Variants in PRKN observed in about 807,000 individuals in gnomAD.
PRKN encodes E3 ubiquitin-protein ligase parkin.
In PRKN, 56 loss-of-function variants were observed where a neutral mutation model predicts 59.5. The observed-to-expected ratio is 0.94, with a 90% CI of 0.76 to 1.18. The LOEUF (loss-of-function observed/expected upper bound fraction) is 1.18. Ranked by LOEUF, PRKN falls within the 50% of genes most tolerant of loss-of-function variation. PRKN has a pLI of 0.00. For missense variants in PRKN, 657 were observed against 596.4 expected, an observed-to-expected ratio of 1.10 and a Z score of -1.06; for synonymous variants, 250 against 222.1, an observed-to-expected ratio of 1.13 and a Z score of -1.12.
chr6:162,172,751 A>T (rs1390329712), intron 4 of PRKN, among the ~76,000 whole-genome samples: 1 of 152,160 alleles, frequency 6.6e-6, no homozygotes, highest in Non-Finnish European at 1.5e-5. Flanking sequence ...ATTCTTGGAA[A>T]TGAATCTGTC....
chr6:162,681,450 C>A (rs563734125), intron 1 of PRKN, among the ~76,000 whole-genome samples: 1 of 152,260 alleles, frequency 6.6e-6, no homozygotes, highest in African/African-American at 2.4e-5. Context: ...AAAACCCTAA[C>A]TTTCCACACC....
At chr6:161,796,533 G>T (rs1387503077) in intron 6 of PRKN, among the ~76,000 whole-genome samples, 2 of 152,176 alleles carry the variant, frequency 1.3e-5, no homozygotes, top group East Asian at 3.9e-4. Context: ...AAAAAGAAAA[G>T]AAAAGAAACT....
At chr6:162,694,532 A>C (rs1777902382) in intron 1 of PRKN, among the ~76,000 whole-genome samples, 1 of 152,180 alleles carries the variant, frequency 6.6e-6, no homozygotes, top group African/African-American at 2.4e-5. Context: ...TCTTAAGGTT[A>C]TTCAAAATTA....
chr6:161,959,757 T>C (rs1397691223), intron 6 of PRKN, among the ~76,000 whole-genome samples: 1 of 152,196 alleles, frequency 6.6e-6, no homozygotes, highest in Non-Finnish European at 1.5e-5. Context: ...TTATTAATAA[T>C]CATAAGTGAT....
intron 2 of PRKN, among the ~76,000 whole-genome samples, chr6:162,394,156 A>G (rs753319866): frequency 1.1e-4 from 16 of 152,202 alleles, no homozygotes; most frequent in Non-Finnish European, 1.9e-4. Flanking sequence ...AAGCATAATG[A>G]GAATATACTT....
At chr6:162,096,144 A>C (rs1318981346) in intron 4 of PRKN, among the ~76,000 whole-genome samples, 5 of 151,442 alleles carry the variant, frequency 3.3e-5, no homozygotes, top group Non-Finnish European at 7.4e-5. Flanking sequence ...GTAGATTGTA[A>C]GATTGGTGCT....
At chr6:161,817,131 G>T (rs1304825854) in intron 6 of PRKN, among the ~76,000 whole-genome samples, 1 of 152,148 alleles carries the variant, frequency 6.6e-6, no homozygotes, top group African/African-American at 2.4e-5. Flanking sequence ...CACTGCTAGA[G>T]AATTAATCTG....
intron 4 of PRKN, among the ~76,000 whole-genome samples, chr6:162,118,669 A>C (rs1780779117): frequency 6.6e-6 from 1 of 152,220 alleles, no homozygotes. Flanking sequence ...TTTACAGCCA[A>C]ATAACCAACC....
At chr6:161,640,749 A>G (rs963287606) in intron 7 of PRKN, among the ~76,000 whole-genome samples, 6 of 152,182 alleles carry the variant, frequency 3.9e-5, no homozygotes, top group Admixed American at 1.3e-4. Flanking sequence ...CAACAGCCAC[A>G]TCCTCCCCAG....
intron 1 of PRKN, among the ~76,000 whole-genome samples, chr6:162,700,173 C>G (rs1778103156): frequency 6.6e-6 from 1 of 152,300 alleles, no homozygotes; most frequent in African/African-American, 2.4e-5. Flanking sequence ...TAATCATTCT[C>G]CTGCAATTGC....
At chr6:162,715,718 AACTGC>A (rs1195660238) in intron 1 of PRKN, among the ~76,000 whole-genome samples, 2 of 152,164 alleles carry the variant, frequency 1.3e-5, no homozygotes, top group Non-Finnish European at 2.9e-5. Flanking sequence ...TGGCATGGAA[AACTGC>A]ACTGAGCTGG....
At chr6:161,661,920 G>C (rs1056584834) in intron 7 of PRKN, among the ~76,000 whole-genome samples, 3 of 152,112 alleles carry the variant, frequency 2.0e-5, no homozygotes, top group African/African-American at 7.2e-5. Context: ...CTACTCGGGA[G>C]GCTGAGGCAG....
At chr6:162,009,227 T>C (rs1185620270) in intron 5 of PRKN, among the ~76,000 whole-genome samples, 2 of 151,818 alleles carry the variant, frequency 1.3e-5, no homozygotes, top group African/African-American at 4.9e-5. Context: ...CACTCTAGCC[T>C]GGGTGACAGA....
intron 6 of PRKN, among the ~76,000 whole-genome samples, chr6:161,871,158 G>A (rs201205284): frequency 2.6e-5 from 4 of 152,100 alleles, no homozygotes; most frequent in East Asian, 3.9e-4. Flanking sequence ...AGAGTTTTCA[G>A]TAAGCTATGA....
chr6:161,541,002 GT>G (rs530665204), intron 9 of PRKN, among the ~76,000 whole-genome samples: 2 of 152,168 alleles, frequency 1.3e-5, no homozygotes, highest in Non-Finnish European at 2.9e-5. Context: ...TTTCTGGAAA[GT>G]TTTTTTCTTT....
chr6:162,312,246 CTGTCATT>C (rs1280580409), intron 2 of PRKN, among the ~76,000 whole-genome samples: 1 of 152,118 alleles, frequency 6.6e-6, no homozygotes, highest in Non-Finnish European at 1.5e-5. Flanking sequence ...GGCCTTAGGA[CTGTCATT>C]TGGCTTTTCC....
intron 2 of PRKN, among the ~76,000 whole-genome samples, chr6:162,385,304 T>C (rs1412729706): frequency 6.6e-6 from 1 of 152,148 alleles, no homozygotes; most frequent in African/African-American, 2.4e-5. Context: ...CCCAACATGG[T>C]ATAAAGCAAA....
At chr6:161,633,424 G>T (rs924069026) in intron 7 of PRKN, among the ~76,000 whole-genome samples, 1 of 152,152 alleles carries the variant, frequency 6.6e-6, no homozygotes, top group African/African-American at 2.4e-5. Flanking sequence ...TAAGACATCC[G>T]TTAAAAGTCA....
chr6:162,185,988 T>C (rs558540392), intron 4 of PRKN, among the ~76,000 whole-genome samples: 6 of 152,070 alleles, frequency 3.9e-5, no homozygotes, highest in South Asian at 4.1e-4. Flanking sequence ...TTTCAAAACA[T>C]GTGGTTTGAG....
Sources: gnomAD v4.1 joint callset for allele counts (sites outside exome capture counted in the v4.1 genomes callset) on GRCh38, gnomAD v4.1.1 for gene constraint, MANE v1.5 for transcripts, NCBI Gene and HGNC (gene_info 2026-07-23, HGNC 2026-07-21) for gene names.